MMP21: variants seen among roughly 807,000 people sequenced by gnomAD.
MMP21 encodes matrix metalloproteinase-21.
MMP21 carries 40 observed loss-of-function variants against 47.8 expected under a neutral mutation model. The observed-to-expected ratio is 0.84, with a 90% CI of 0.65 to 1.09. The LOEUF (loss-of-function observed/expected upper bound fraction) is 1.09, where lower values mean the gene tolerates loss of function less well. Among genes scored for constraint, MMP21 ranks in the 50% least tolerant of loss-of-function variants. The pLI is 0.00. For synonymous variants in MMP21, 341 were observed against 318.0 expected (o/e 1.07, Z -0.77); for missense variants, 747 against 775.3 (o/e 0.96, Z 0.43).
intron 4 of MMP21, among the ~76,000 whole-genome samples, chr10:125,770,806 A>G (rs1333974895): frequency 6.6e-6 from 1 of 151,704 alleles, no homozygotes; most frequent in Non-Finnish European, 1.5e-5. Context: ...GGATTGCTTG[A>G]GTTCAAGACC....
rs1215538087 is a variant in MMP21 at position 125,773,951 on chromosome 10, C to T, written c.577G>A (p.Asp193Asn). Residue 193 changes from aspartate to asparagine, a missense_variant, in exon 2 of 7, where the codon GAC becomes AAC. By Grantham distance (23) the Asp-to-Asn change is conservative. Coordinates refer to ENST00000368808, the MANE Select transcript of MMP21 (RefSeq NM_147191.1). The surrounding 1 kb of genome is among the most constrained non-coding windows in gnomAD (Gnocchi z 4.8). Reference protein sequence around the residue: ...EALSSQLSVADQRRIVALAFR... With the variant: ...EALSSQLSVANQRRIVALAFR... ...GCCAGCGCCACAATGCGCCGCTGGT[C>T]GGCCACGGACAGTTGGCTGCTCAGG... The T allele has an allele frequency of 1.9e-6, 3 of 1,584,164 alleles. No homozygotes were observed. The highest frequency in any genetic ancestry group is 1.4e-5 in the African/African-American group (1 of 73,188).
rs7922546 is a variant in MMP21, at chr10:125,772,184, G to A, written c.979+34C>T. The stretch of plus-strand genomic sequence containing the variant: ...AGTGCTCTGGAATACAGTGTCCTCC[G>A]CTAGCTCAGGGATGCCCTCCGCAGC... On this transcript the variant is annotated intron_variant, in intron 4 of 6. Coordinates refer to ENST00000368808, the MANE Select transcript of MMP21 (RefSeq NM_147191.1). The surrounding 1 kb of genome is among the most constrained non-coding windows in gnomAD (Gnocchi z 5.6). The A allele has an allele frequency of 0.34, 544,436 of 1,611,146 alleles. 94,374 individuals are homozygous for A. The highest frequency in any genetic ancestry group is 0.35 in the Middle Eastern group (2,113 of 6,022).
chr10:125,771,383 TG>T (rs1850444032), intron 4 of MMP21, among the ~76,000 whole-genome samples: 1 of 151,002 alleles, frequency 6.6e-6, no homozygotes, highest in South Asian at 2.1e-4. Flanking sequence ...AGAACAGAAA[TG>T]GGGTGGTCTC....
At chr10:125,775,366 T>C (rs1850505290) in intron 1 of MMP21, among the ~76,000 whole-genome samples, 1 of 152,242 alleles carries the variant, frequency 6.6e-6, no homozygotes, top group Non-Finnish European at 1.5e-5. Context: ...GCCACTACAG[T>C]ATCACATGCT....
rs751663187 is a variant in MMP21 at position 125,772,293 on chromosome 10, G to A, written c.904C>T (p.Gln302Ter). The A allele has an allele frequency of 6.2e-7, 1 of 1,614,210 alleles. No individual in the cohort carries two copies. Among genetic ancestry groups the A allele is most frequent in the East Asian group, 2.2e-5 (1 of 44,882 alleles). ...PHTYRTGSIM[Q>*]PNYIPQEPAF... ...GGCTCCTGGGGAATGTAATTTGGTTGCATTATGGATCCCGTCCTGTAGGTG... is the reference window on the plus strand; with the variant it reads ...GGCTCCTGGGGAATGTAATTTGGTTACATTATGGATCCCGTCCTGTAGGTG... The change falls in exon 4 of 7, where the codon CAA becomes TAA. Residue 302 changes from glutamine (Q) to a stop codon, truncating the protein, a stop_gained. Transcript: ENST00000368808. LOFTEE classifies it high-confidence loss of function. The surrounding 1 kb of genome is among the most constrained non-coding windows in gnomAD (Gnocchi z 5.6).
At position 125,767,632 on chromosome 10, in the gene MMP21, G is replaced by A; in HGVS notation, c.1310C>T (p.Pro437Leu). 6.2e-7 allele frequency: 1 copy of A among 1,614,108 alleles called. No individual in the cohort carries two copies. The highest frequency in any genetic ancestry group is 1.1e-5 in the South Asian group (1 of 91,080). ...AGGAAATCCTTCTGAAATCAATTTGGGATAGCTTTTTCCTTGTTCATCTTC... is the reference window on the plus strand; with the variant it reads ...AGGAAATCCTTCTGAAATCAATTTGAGATAGCTTTTTCCTTGTTCATCTTC... ...LTEDEQGKSY[P>L]KLISEGFPGI... The change falls in exon 6 of 7, where the codon CCC (proline) becomes CTC (leucine). Residue 437 changes from proline (P) to leucine (L), a missense_variant. Coordinates refer to ENST00000368808, the MANE Select transcript of MMP21 (RefSeq NM_147191.1).
chr10:125,774,224 C>G lies in MMP21; in HGVS notation c.304G>C (p.Gly102Arg). The change falls in exon 2 of 7, where the codon GGG becomes CGG. Residue 102 changes from glycine to arginine, a missense_variant. Transcript: ENST00000368808. ...FQRANALPASGELDAATLAAM... is the reference protein window; with the variant it reads ...FQRANALPASRELDAATLAAM... ...GCTAGGGTGGCCGCGTCCAGCTCCC[C>G]GCTGGCCGGCAGCGCGTTCGCCCGC... is the stretch of plus-strand genomic sequence containing the variant. The G allele has an allele frequency of 7.2e-7, 1 of 1,390,116 alleles. No homozygotes were observed. Among genetic ancestry groups the G allele is most frequent in the South Asian group, 1.6e-5 (1 of 64,390 alleles). The allele number at this position is 1,390,116 out of a possible 1,614,324, so 86.1% of individuals were successfully genotyped here.
intron 1 of MMP21, 29 bp from the exon 2 acceptor site, chr10:125,774,394 G>A: frequency 2.3e-6 from 3 of 1,316,594 alleles, no homozygotes; most frequent in South Asian, 4.0e-5. Context: ...CCCTAATCTG[G>A]GCCGCCTCGC....
At position 125,774,088 on chromosome 10, in the gene MMP21, C is replaced by T; in HGVS notation, c.440G>A (p.Arg147Gln). Residue 147 changes from arginine (R) to glutamine (Q), a missense_variant, in exon 2 of 7, where the codon CGG (arginine) becomes CAG (glutamine). Arg to Gln is a conservative substitution (Grantham distance 43). Transcript: ENST00000368808. ...PPRARSRRSP[R>Q]APLSLSRRGW... ...CCGCCGGGACAAGGACAGCGGCGCC[C>T]GCGGGGAGCGCCTGGAGCGGGCTCT... 10 of 1,366,264 alleles carry T rather than the reference C, an allele frequency of 7.3e-6. No homozygotes were observed. Among genetic ancestry groups the T allele is most frequent in the Non-Finnish European group, 9.4e-6 (10 of 1,065,276 alleles). The allele number at this position is 1,366,264 out of a possible 1,614,324, so 84.6% of individuals were successfully genotyped here. A position where few individuals can be genotyped will look rare whatever the true frequency, so the allele number is the denominator to read the frequency against.
chr10:125,769,813 A>G (rs1850426348), intron 5 of MMP21, among the ~76,000 whole-genome samples: 1 of 152,122 alleles, frequency 6.6e-6, no homozygotes. Context: ...CTTAGTACCT[A>G]GGAAAGTTCA....
intron 4 of MMP21, 137 bp from the exon 5 acceptor site, chr10:125,770,728 G>A (rs1480453848): frequency 3.2e-6 from 3 of 936,804 alleles, no homozygotes; most frequent in Non-Finnish European, 3.1e-6. Context: ...CACCATGTAA[G>A]GCTGAAGTGG....
chr10:125,772,048 CTG>C lies in MMP21; in HGVS notation c.979+168_979+169del, dbSNP rs982869803. Among the ~76,000 whole-genome samples the C allele has an allele frequency of 3.9e-5, 6 of 152,160 alleles. No individual in the cohort carries two copies. Among genetic ancestry groups the C allele is most frequent in the Non-Finnish European group, 7.3e-5 (5 of 68,040 alleles). ...TCGACTGGGCAAAACCACTTTTTAA[CTG>C]AGAGAATGGCATCAGGGAGCTAGAG... On this transcript the variant is annotated intron_variant, in intron 4 of 6. Transcript: ENST00000368808. The surrounding 1 kb of genome is among the most constrained non-coding windows in gnomAD (Gnocchi z 5.6).
Position 125,775,708 on chromosome 10 carries a change from C to T in MMP21, c.114G>A (p.Pro38=), listed in dbSNP as rs2133785583. 9.9e-6 allele frequency: 16 copies of T among 1,613,194 alleles called. No homozygotes were observed. The highest frequency in any genetic ancestry group is 1.3e-5 in the Non-Finnish European group (15 of 1,179,536). The stretch of plus-strand genomic sequence containing the variant: ...TGGGCTTGGCCTGGCGCAGTGGGGA[C>T]GGCTCCAGGTCCGAGCGGTCCCGGC... ...FHSRDRSDLE[P]SPLRQAKPIA... is the part of the protein sequence containing the mutation. Residue 38 remains proline (P), a synonymous_variant, in exon 1 of 7, where the codon CCG becomes CCA. Coordinates refer to ENST00000368808, the MANE Select transcript of MMP21 (RefSeq NM_147191.1).
chr10:125,774,628 C>T (rs1850495336), intron 1 of MMP21, among the ~76,000 whole-genome samples: 1 of 152,188 alleles, frequency 6.6e-6, no homozygotes, highest in Non-Finnish European at 1.5e-5. Context: ...GGGCGCCTTC[C>T]TGAGTGCGGG....
intron 1 of MMP21, 144 bp from the exon 2 acceptor site, chr10:125,774,509 T>C: frequency 2.1e-6 from 1 of 485,196 alleles, no homozygotes. Flanking sequence ...GAGAAACAGA[T>C]GGAGATAGCA....
Position 125,767,666 on chromosome 10 carries a change from C to T in MMP21, c.1276G>A (p.Ala426Thr). ...TTTCCTTGTTCATCTTCTGTGAGGG[C>T]CTGATCCTTGTCACTGTCATATCTC... is the stretch of plus-strand genomic sequence containing the variant. Reference protein sequence around the residue: ...YWRYDSDKDQALTEDEQGKSY... With the variant: ...YWRYDSDKDQTLTEDEQGKSY... The change falls in exon 6 of 7, where the codon GCC becomes ACC. Residue 426 changes from alanine to threonine, a missense_variant. Physicochemically the swap from Ala to Thr is moderately conservative, Grantham distance 58. Coordinates refer to ENST00000368808, the MANE Select transcript of MMP21 (RefSeq NM_147191.1). 1 of 1,614,148 alleles carries T rather than the reference C, an allele frequency of 6.2e-7. No individual in the cohort carries two copies. The highest frequency in any genetic ancestry group is 8.5e-7 in the Non-Finnish European group (1 of 1,180,022).
At position 125,772,691 on chromosome 10, in the gene MMP21, A is replaced by G. The variant is rs1850463774; in HGVS notation, c.757T>C (p.Trp253Arg). Residue 253 changes from tryptophan to arginine, a missense_variant, in exon 3 of 7, where the codon TGG (tryptophan) becomes CGG (arginine). Physicochemically the swap from Trp to Arg is moderately radical, Grantham distance 101. Transcript: ENST00000368808. This position sits in a 1 kb window ranked among gnomAD's most constrained non-coding sequence, Gnocchi z 5.6. ...DGSGQEFAHA[W>R]RLGDIHFDDD... ...TCAAAGTGAATGTCACCTAGGCGCC[A>G]GGCGTGTGCAAACTCCTGCCCGCTC... 6.2e-7 allele frequency: 1 copy of G among 1,614,072 alleles called. No individual in the cohort carries two copies. The highest frequency in any genetic ancestry group is 8.5e-7 in the Non-Finnish European group (1 of 1,180,040).
At chr10:125,767,496 C>CT in intron 6 of MMP21, 36 bp downstream of exon 6, 1 of 1,589,082 alleles carries the variant, frequency 6.3e-7, no homozygotes, top group African/African-American at 1.3e-5. Context: ...TTAGGGATGA[C>CT]AGAAGCATTG....
Position 125,773,830 on chromosome 10 carries a change from C to T in MMP21, c.697+1G>A, listed in dbSNP as rs778769372. 2 of 1,535,796 alleles carry T rather than the reference C, an allele frequency of 1.3e-6. No homozygotes were observed. Among genetic ancestry groups the T allele is most frequent in the Admixed American group, 3.7e-5 (2 of 53,438 alleles). ...AGGCAGGGAGCCCGGGGTGCTCTTA[C>T]CTCTCCCAAAGCCCAGCTTGATGTC... On this transcript the variant is annotated splice_donor_variant, in intron 2 of 6. Coordinates refer to ENST00000368808, the MANE Select transcript of MMP21 (RefSeq NM_147191.1). LOFTEE classifies it high-confidence loss of function. The surrounding 1 kb of genome is among the most constrained non-coding windows in gnomAD (Gnocchi z 4.8).
Sources: allele counts gnomAD v4.1 joint callset (sites outside exome capture counted in the v4.1 genomes callset), GRCh38; gene constraint gnomAD v4.1.1; non-coding constraint Gnocchi (gnomAD v3.1); transcripts MANE v1.5; gene names NCBI Gene and HGNC (gene_info 2026-07-23, HGNC 2026-07-21).